The following ZNF730 variants were observed in gnomAD, a reference collection of about 807,000 sequenced individuals.
ZNF730 encodes the protein zinc finger protein 730, also known as putative zinc finger protein 730.
A neutral mutation model predicts 12.6 loss-of-function variants in ZNF730; 12 were observed. The observed-to-expected ratio is 0.95, with a 90% CI of 0.61 to 1.54. ZNF730 has a LOEUF of 1.54. Among genes scored for constraint, ZNF730 ranks in the 40% most tolerant of loss-of-function variants. ZNF730 has a pLI of 0.00. For missense variants in ZNF730, 643 were observed against 583.5 expected (o/e 1.10, Z -1.05); for synonymous variants, 194 against 195.8 (o/e 0.99, Z 0.08).
At chr19:23,113,167 A>C (rs1232814294), upstream of ZNF730, among the ~76,000 whole-genome samples, 3 of 152,202 alleles carry the variant, frequency 2.0e-5, no homozygotes, top group Non-Finnish European at 4.4e-5. Flanking sequence ...ACAGAGATGC[A>C]GTTGTAGGGG....
At chr19:23,114,022 C>T (rs1295585312), upstream of ZNF730, among the ~76,000 whole-genome samples, 5 of 152,082 alleles carry the variant, frequency 3.3e-5, no homozygotes, top group African/African-American at 1.2e-4. Flanking sequence ...CATTTTTGTA[C>T]CAACAACTGT....
At position 23,077,537 on chromosome 19, in the gene ZNF730, A is replaced by G. The variant is rs368699779; in HGVS notation, c.-94+2150A>G. On this transcript the variant is annotated intron_variant, in intron 1 of 2. Coordinates refer to the ZNF730 transcript ENST00000593635. Reference sequence around the variant, plus strand: ...ACTGCAACCTCCAACTCCTGGGTTAAAGCAATCCTCCTGCCTTAGCCTCCC... The same window carrying G: ...ACTGCAACCTCCAACTCCTGGGTTAGAGCAATCCTCCTGCCTTAGCCTCCC... Among the ~76,000 whole-genome samples the G allele has an allele frequency of 2.1e-4, 32 of 149,132 alleles. No individual in the cohort carries two copies. In the East Asian group the frequency reaches 5.9e-3, roughly 27 times the overall value.
At chr19:23,100,199 C>T (rs1970314521) in intron 1 of ZNF730, 1 of 152,124 alleles carries the variant, frequency 6.6e-6, no homozygotes, top group Non-Finnish European at 1.5e-5. Context: ...TCCATGCCCT[C>T]AGGGAAGATT....
At chr19:23,126,847 G>C (rs879196637) in intron 1 of ZNF730, 6 of 536,806 alleles carry the variant, frequency 1.1e-5, no homozygotes, top group East Asian at 5.0e-5. Context: ...TCATAATCCA[G>C]TAGTGACCTA....
At chr19:23,081,392 T>C (rs1272705296) in intron 1 of ZNF730, among the ~76,000 whole-genome samples, 1 of 151,988 alleles carries the variant, frequency 6.6e-6, no homozygotes, top group Non-Finnish European at 1.5e-5. Context: ...CTATCTTAGC[T>C]TACTGCAACC....
At chr19:23,136,180 C>A in intron 3 of ZNF730, 137 bp downstream of exon 3, 1 of 636,768 alleles carries the variant, frequency 1.6e-6, no homozygotes, top group Non-Finnish European at 2.2e-6. Flanking sequence ...ATTTATTTTG[C>A]TTTTTATTTA....
chr19:23,076,822 A>G (rs1157093795), intron 1 of ZNF730, among the ~76,000 whole-genome samples: 1 of 152,148 alleles, frequency 6.6e-6, no homozygotes, highest in Non-Finnish European at 1.5e-5. Context: ...TCAACCTAGC[A>G]ATCCAGTTAT....
At chr19:23,134,303 T>A (rs943169540) in intron 2 of ZNF730, 97 bp downstream of exon 2, 6 of 1,126,056 alleles carry the variant, frequency 5.3e-6, no homozygotes, top group South Asian at 3.5e-5. Flanking sequence ...TTTTTTTCTT[T>A]TTCTTTTTCT....
At position 23,128,184 on chromosome 19, in the gene ZNF730, T is replaced by G. The variant is rs890831042; in HGVS notation, c.4-5896T>G. 4 of 831,796 alleles carry G rather than the reference T, an allele frequency of 4.8e-6. No homozygotes were observed. In the Admixed American group the frequency reaches 6.8e-5, roughly 14 times the overall value. The allele number at this position is 831,796 out of a possible 1,614,324, so 51.5% of individuals were successfully genotyped here. A position where few individuals can be genotyped will look rare whatever the true frequency, so the allele number is the denominator to read the frequency against. Reference sequence around the variant, plus strand: ...AGAGAGCAGTAGATGGAGGCTTGTCTATCCCTCACAGTACCAAACAGTTCC... The same window carrying G: ...AGAGAGCAGTAGATGGAGGCTTGTCGATCCCTCACAGTACCAAACAGTTCC... On this transcript the variant is annotated intron_variant, in intron 1 of 3. Transcript: ENST00000597761.
At position 23,142,249 on chromosome 19, in the gene ZNF730, C is replaced by G. The variant is rs187001942; in HGVS notation, c.227-3022C>G. Among the ~76,000 whole-genome samples the G allele has an allele frequency of 9.0e-4, 137 of 152,274 alleles. No homozygotes were observed. The East Asian group carries it at 0.024, about 26-fold the overall frequency. On this transcript the variant is annotated intron_variant, in intron 3 of 3. Transcript: ENST00000597761. ...TAATATTATTTTGACCTCTTCTGCTCTCATTTGATTAATATTTGCATGAAG... is the reference window on the plus strand; with the variant it reads ...TAATATTATTTTGACCTCTTCTGCTGTCATTTGATTAATATTTGCATGAAG...
chr19:23,094,478 C>CATTTATTT (rs149200028), intron 1 of ZNF730, among the ~76,000 whole-genome samples: 7 of 151,024 alleles, frequency 4.6e-5, no homozygotes, highest in Non-Finnish European at 8.8e-5. Flanking sequence ...AATAAGTTTT[C>CATTTATTT]ATTTATTTAT....
At chr19:23,132,844 ATAACTAT>A (rs777290053) in intron 1 of ZNF730, among the ~76,000 whole-genome samples, 19 of 152,244 alleles carry the variant, frequency 1.2e-4, no homozygotes, top group Admixed American at 2.6e-4. Flanking sequence ...ACTATTTAAA[ATAACTAT>A]TAACTATTAA....
chr19:23,136,826 A>G (rs567115569), intron 3 of ZNF730, among the ~76,000 whole-genome samples: 1 of 152,146 alleles, frequency 6.6e-6, no homozygotes, highest in South Asian at 2.1e-4. Flanking sequence ...ATTACCTTAA[A>G]TAACTGGAAT....
intron 1 of ZNF730, among the ~76,000 whole-genome samples, chr19:23,080,666 T>G (rs1175905728): frequency 6.6e-6 from 1 of 151,498 alleles, no homozygotes; most frequent in Non-Finnish European, 1.5e-5. Flanking sequence ...TGAACCACTG[T>G]GCCTGGCTAT....
At chr19:23,090,334 A>C (rs1400911123) in intron 1 of ZNF730, among the ~76,000 whole-genome samples, 1 of 152,146 alleles carries the variant, frequency 6.6e-6, no homozygotes, top group African/African-American at 2.4e-5. Context: ...ATGTTTTAGC[A>C]AAGTGACTGG....
rs1253878981 is a variant in ZNF730, at chr19:23,104,873, TC to T, written c.-93-29205del. On this transcript the variant is annotated intron_variant, in intron 1 of 2. Transcript: ENST00000593635. ...ATCACTTTTTAACAGGCCTAGGAGC[TC>T]CAAGTTTGTCTTGGGACCTTAAAAG... 2.0e-5 allele frequency among the ~76,000 whole-genome samples: 3 copies of T among 152,274 alleles called. No individual in the cohort carries two copies. In the East Asian group the frequency reaches 5.8e-4, roughly 29 times the overall value.
upstream of ZNF730, among the ~76,000 whole-genome samples, chr19:23,113,882 G>C (rs1159695928): frequency 1.3e-5 from 2 of 152,126 alleles, no homozygotes; most frequent in Non-Finnish European, 2.9e-5. Context: ...ACCAAAAAAG[G>C]AGAAATTGTT....
upstream of ZNF730, among the ~76,000 whole-genome samples, chr19:23,112,993 T>C (rs1458316013): frequency 2.0e-5 from 3 of 152,358 alleles, no homozygotes; most frequent in Admixed American, 2.0e-4. Flanking sequence ...CATAGGGCTT[T>C]ATAGCAGATT....
intron 1 of ZNF730, chr19:23,124,004 G>T (rs1037993): frequency 0.3 from 45,610 of 151,840 alleles, 7,703 homozygotes; most frequent in African/African-American, 0.46. Context: ...GTGAAATACT[G>T]CTCCCATTCC....
Sources: allele counts gnomAD v4.1 joint callset (sites outside exome capture counted in the v4.1 genomes callset), GRCh38; gene constraint gnomAD v4.1.1; transcripts MANE v1.5; gene names NCBI Gene and HGNC (gene_info 2026-07-23, HGNC 2026-07-21).